MOCOS: variants seen among roughly 807,000 people sequenced by gnomAD.
The protein encoded by MOCOS is human molybdenum cofactor sulfurase.
MOCOS carries 86 observed loss-of-function variants against 83.6 expected under a neutral mutation model. The ratio of observed to expected loss-of-function variants is 1.03; its 90% CI spans 0.86 to 1.23. MOCOS has a LOEUF of 1.23. Among genes scored for constraint, MOCOS ranks in the 50% most tolerant of loss-of-function variants. MOCOS has a pLI of 0.00. For synonymous variants in MOCOS, 445 were observed against 434.7 expected (o/e 1.02, Z -0.29); for missense variants, 1,120 against 1,126.9 (o/e 0.99, Z 0.09).
At position 36,195,252 on chromosome 18, in the gene MOCOS, T is replaced by G. The variant is rs754671710; in HGVS notation, c.143-5T>G. The G allele has an allele frequency of 6.2e-7, 1 of 1,613,726 alleles. No individual in the cohort carries two copies. Among genetic ancestry groups the G allele is most frequent in the Non-Finnish European group, 8.5e-7 (1 of 1,179,602 alleles). ...TTTTAGTATTTATTTTGTGTTTTCT[T>G]TCAGGAACTGTCTATCTTGACCATG... On this transcript the variant is annotated splice_region_variant and splice_polypyrimidine_tract_variant and intron_variant, in intron 1 of 14. Coordinates refer to ENST00000261326, the MANE Select transcript of MOCOS (RefSeq NM_017947.4).
chr18:36,229,462 T>C (rs1044701420), intron 9 of MOCOS, among the ~76,000 whole-genome samples: 4 of 152,220 alleles, frequency 2.6e-5, no homozygotes, highest in Admixed American at 2.6e-4. Context: ...AATCTGATTA[T>C]ATGTGTCTTG....
chr18:36,208,311 GT>G (rs140613248), intron 6 of MOCOS, among the ~76,000 whole-genome samples: 146,463 of 151,982 alleles, frequency 0.96, 70,835 homozygotes, highest in East Asian at 1. Flanking sequence ...TTTTAGAATA[GT>G]TTTTTTTTCT....
At chr18:36,200,350 A>G in intron 4 of MOCOS, 26 bp downstream of exon 4, 1 of 1,613,354 alleles carries the variant, frequency 6.2e-7, no homozygotes, top group South Asian at 1.1e-5. Context: ...GGGAGGGGTC[A>G]GAGGAGTTCA....
chr18:36,210,593 G>A (rs560221884), intron 6 of MOCOS, among the ~76,000 whole-genome samples: 1 of 152,192 alleles, frequency 6.6e-6, no homozygotes, highest in South Asian at 2.1e-4. Flanking sequence ...GCTCACACCT[G>A]TAATCCTAGC....
chr18:36,229,606 T>C (rs1031241580), intron 9 of MOCOS, among the ~76,000 whole-genome samples: 23 of 152,162 alleles, frequency 1.5e-4, no homozygotes, highest in Non-Finnish European at 2.9e-4. Context: ...TTTCTCACTC[T>C]TTTCAAAGTT....
intron 11 of MOCOS, among the ~76,000 whole-genome samples, chr18:36,252,779 C>T (rs1375936452): frequency 6.6e-6 from 1 of 152,140 alleles, no homozygotes; most frequent in Non-Finnish European, 1.5e-5. Flanking sequence ...GGACTGAAAA[C>T]TGGGTCTAAG....
At position 36,208,268 on chromosome 18, in the gene MOCOS, G is replaced by A. The variant is rs1239773996; in HGVS notation, c.1218+2992G>A. On this transcript the variant is annotated intron_variant, in intron 6 of 14. Coordinates refer to ENST00000261326, the MANE Select transcript of MOCOS (RefSeq NM_017947.4). Reference sequence around the variant, plus strand: ...TATTCTTTTTGCTTAGGATTGCTTTGGCTATTTGGGCTCTTTTTTGGTTCC... The same window carrying A: ...TATTCTTTTTGCTTAGGATTGCTTTAGCTATTTGGGCTCTTTTTTGGTTCC... Among the ~76,000 whole-genome samples, 3 of 151,226 alleles carry A rather than the reference G, an allele frequency of 2.0e-5. No homozygotes were observed. In the East Asian group the frequency reaches 5.9e-4, roughly 30 times the overall value.
At chr18:36,193,626 A>G (rs959915136) in intron 1 of MOCOS, among the ~76,000 whole-genome samples, 1 of 152,224 alleles carries the variant, frequency 6.6e-6, no homozygotes, top group Non-Finnish European at 1.5e-5. Flanking sequence ...AGCTAAAAGT[A>G]TAATATTCTT....
rs964612541 is a variant in MOCOS, at chr18:36,203,131, C to T, written c.960C>T (p.Ile320=). Residue 320 remains isoleucine (I), a synonymous_variant, in exon 5 of 15, where the codon ATC becomes ATT. Coordinates refer to ENST00000261326, the MANE Select transcript of MOCOS (RefSeq NM_017947.4). ...GTTATAGGTTTGAAGATGGCACCAT[C>T]TCATTCCTTGATGTTATCGCGCTAA... The part of the protein sequence containing the change: ...SVAQRFEDGT[I]SFLDVIALKH... The T allele has an allele frequency of 3.1e-6, 5 of 1,614,198 alleles. No individual in the cohort carries two copies. The highest frequency in any genetic ancestry group is 4.2e-6 in the Non-Finnish European group (5 of 1,180,026).
chr18:36,263,133 T>A (rs2091669762), intron 13 of MOCOS, among the ~76,000 whole-genome samples: 1 of 152,256 alleles, frequency 6.6e-6, no homozygotes, highest in South Asian at 2.1e-4. Context: ...GCTCAAAAGA[T>A]GTTTGTTGAT....
chr18:36,233,071 G>A (rs529443268), intron 9 of MOCOS, among the ~76,000 whole-genome samples: 2 of 152,072 alleles, frequency 1.3e-5, no homozygotes, highest in African/African-American at 4.8e-5. Context: ...TGGTGTTTAG[G>A]TACATGGGTA....
intron 13 of MOCOS, among the ~76,000 whole-genome samples, chr18:36,264,980 A>G (rs984024809): frequency 1.3e-5 from 2 of 152,230 alleles, no homozygotes; most frequent in East Asian, 3.8e-4. Flanking sequence ...ATGCATAGCT[A>G]TGGCAAGCCA....
chr18:36,229,119 ATTAT>A (rs1306324358), intron 9 of MOCOS, among the ~76,000 whole-genome samples: 1 of 152,166 alleles, frequency 6.6e-6, no homozygotes. Flanking sequence ...GTAACATAAT[ATTAT>A]TTATTTGTCT....
At chr18:36,237,917 C>T (rs532287816) in intron 9 of MOCOS, among the ~76,000 whole-genome samples, 17 of 151,786 alleles carry the variant, frequency 1.1e-4, no homozygotes, top group East Asian at 7.7e-4. Flanking sequence ...AGTTTATTTG[C>T]GTAGAGGTGT....
rs567626575 is a variant in MOCOS, at chr18:36,190,577, C to T, written c.142+2896C>T. Among the ~76,000 whole-genome samples the T allele has an allele frequency of 3.4e-4, 51 of 151,596 alleles. 1 individual carries two copies. The South Asian group carries it at 9.7e-3, about 29-fold the overall frequency. ...CAGCCTGGGCAACATGGTGAAACCC[C>T]GTCTCTACAAAATATACAAAAATTA... On this transcript the variant is annotated intron_variant, in intron 1 of 14. Transcript: ENST00000261326.
chr18:36,239,201 C>G (rs554549171), intron 9 of MOCOS, among the ~76,000 whole-genome samples: 1 of 152,066 alleles, frequency 6.6e-6, no homozygotes, highest in Admixed American at 6.6e-5. Context: ...TGATTTTGCT[C>G]GTTACTTGAT....
At chr18:36,204,961 C>T (rs2091428885) in intron 5 of MOCOS, 116 bp from the exon 6 acceptor site, 7 of 964,702 alleles carry the variant, frequency 7.3e-6, no homozygotes, top group Non-Finnish European at 1.1e-5. Flanking sequence ...CCACTGCACT[C>T]CAGCCTGGGT....
chr18:36,228,628 G>T (rs1274387008), intron 9 of MOCOS, among the ~76,000 whole-genome samples: 1 of 152,100 alleles, frequency 6.6e-6, no homozygotes, highest in African/African-American at 2.4e-5. Context: ...GGAGCTAAAT[G>T]ATGAGAACAC....
Position 36,260,123 on chromosome 18 carries a change from C to T in MOCOS, c.2357C>T (p.Ala786Val). Reference sequence around the variant, plus strand: ...AATATTATTATCAATGGAAAAAGGGCTTTTGAAGAAGAGAAATGGGATGAG... The same window carrying T: ...AATATTATTATCAATGGAAAAAGGGTTTTTGAAGAAGAGAAATGGGATGAG... ...RANIIINGKRAFEEEKWDEIS... is the reference protein window; with the variant it reads ...RANIIINGKRVFEEEKWDEIS... Residue 786 changes from alanine to valine, a missense_variant, in exon 13 of 15, where the codon GCT (alanine) becomes GTT (valine). Coordinates refer to ENST00000261326, the MANE Select transcript of MOCOS (RefSeq NM_017947.4). The T allele has an allele frequency of 1.2e-6, 2 of 1,614,112 alleles. No individual in the cohort carries two copies. The highest frequency in any genetic ancestry group is 1.7e-6 in the Non-Finnish European group (2 of 1,180,026).
Sources: gnomAD v4.1 joint callset for allele counts (sites outside exome capture counted in the v4.1 genomes callset) on GRCh38, gnomAD v4.1.1 for gene constraint, MANE v1.5 for transcripts, NCBI Gene and HGNC (gene_info 2026-07-23, HGNC 2026-07-21) for gene names.